The following PLCE1 variants were observed in gnomAD, a reference collection of about 807,000 sequenced individuals.
The protein encoded by PLCE1 is phospholipase C epsilon 1.
In PLCE1, 119 loss-of-function variants were observed where a neutral mutation model predicts 242.8. The observed-to-expected ratio is 0.49, with a 90% CI of 0.42 to 0.57. The LOEUF (loss-of-function observed/expected upper bound fraction) is 0.57, where lower values mean the gene tolerates loss of function less well. PLCE1 is among the 20% of genes least tolerant of loss of function. The pLI is 0.00. For missense variants in PLCE1, 2,441 were observed against 2,788.8 expected (o/e 0.88, Z 2.81); for synonymous variants, 945 against 1,017.4 (o/e 0.93, Z 1.35).
chr10:94,254,253 T>G lies in PLCE1; in HGVS notation c.3343T>G (p.Cys1115Gly). The change falls in exon 10 of 33, where the codon TGT becomes GGT. Residue 1115 changes from cysteine (C) to glycine (G), a missense_variant. Transcript: ENST00000371380. ...ATRKAKMHKECRSRSGSDPQD... is the reference protein window; with the variant it reads ...ATRKAKMHKEGRSRSGSDPQD... ...CCGAAAGGCCAAGATGCACAAAGAG[T>G]GTCGAAGCCGGAGTGGTTCTGATCC... is the stretch of plus-strand genomic sequence containing the variant. 1 of 1,613,828 alleles carries G rather than the reference T, an allele frequency of 6.2e-7. No homozygotes were observed. The highest frequency in any genetic ancestry group is 8.5e-7 in the Non-Finnish European group (1 of 1,179,944).
chr10:94,079,646 T>A (rs1021969773), intron 2 of PLCE1, among the ~76,000 whole-genome samples: 3 of 152,190 alleles, frequency 2.0e-5, no homozygotes, highest in African/African-American at 7.2e-5. Flanking sequence ...AAACATATTA[T>A]CTTCTATTCT....
intron 3 of PLCE1, among the ~76,000 whole-genome samples, chr10:94,162,604 C>A (rs986442486): frequency 6.6e-6 from 1 of 152,072 alleles, no homozygotes; most frequent in African/African-American, 2.4e-5. Flanking sequence ...TTCAAAAAAC[C>A]AGCTCCTGGA....
chr10:94,264,512 AT>A (rs59860171), intron 14 of PLCE1, among the ~76,000 whole-genome samples: 6,693 of 72,952 alleles, frequency 0.092, 76 homozygotes, highest in Middle Eastern at 0.13. Context: ...ACATGATTTG[AT>A]TTTTTTTTTT....
At chr10:94,242,164 A>G (rs940317557) in intron 7 of PLCE1, among the ~76,000 whole-genome samples, 1 of 152,190 alleles carries the variant, frequency 6.6e-6, no homozygotes, top group African/African-American at 2.4e-5. Flanking sequence ...ACCGAGAGCA[A>G]TTTCAGAGGG....
intron 3 of PLCE1, chr10:94,138,886 AG>A: frequency 5.9e-6 from 1 of 169,878 alleles, no homozygotes; most frequent in Middle Eastern, 2.2e-3. Context: ...CCACACACCT[AG>A]GGCCCAAATG....
chr10:94,165,896 G>A lies in PLCE1; in HGVS notation c.1493-5284G>A, dbSNP rs558012898. Among the ~76,000 whole-genome samples, 282 of 152,034 alleles carry A rather than the reference G, an allele frequency of 1.9e-3. 2 individuals carry two copies. Among genetic ancestry groups the A allele is most frequent in the Non-Finnish European group, 2.1e-3 (145 of 67,968 alleles). On this transcript the variant is annotated intron_variant, in intron 3 of 32. Transcript: ENST00000371380. ...TACTTTTTGTATTTTTAGTAGAGAC[G>A]GGATTTCACCACGTTGGCAAGGCTG...
At chr10:94,226,414 G>A (rs138722770) in intron 4 of PLCE1, among the ~76,000 whole-genome samples, 1 of 152,276 alleles carries the variant, frequency 6.6e-6, no homozygotes, top group East Asian at 1.9e-4. Flanking sequence ...CCTGAGGACA[G>A]TAACAGTCCC....
At chr10:94,071,291 C>T (rs1301291414) in intron 2 of PLCE1, among the ~76,000 whole-genome samples, 1 of 152,126 alleles carries the variant, frequency 6.6e-6, no homozygotes, top group African/African-American at 2.4e-5. Flanking sequence ...AAACCAGAGG[C>T]ATCACTGAAG....
At position 94,211,921 on chromosome 10, in the gene PLCE1, T is replaced by C. The variant is rs138127182; in HGVS notation, c.1810-15385T>C. On this transcript the variant is annotated intron_variant, in intron 4 of 32. Coordinates refer to ENST00000371380, the MANE Select transcript of PLCE1 (RefSeq NM_016341.4). ...CTAAAAGAGCTCAGAGAGACCCCTGTCAATATTGCAGCATTATTCTAAATG... is the reference window on the plus strand; with the variant it reads ...CTAAAAGAGCTCAGAGAGACCCCTGCCAATATTGCAGCATTATTCTAAATG... Among the ~76,000 whole-genome samples, 374 of 152,298 alleles carry C rather than the reference T, an allele frequency of 2.5e-3. 3 individuals carry two copies. Among genetic ancestry groups the C allele is most frequent in the African/African-American group, 7.4e-3 (307 of 41,566 alleles).
intron 2 of PLCE1, among the ~76,000 whole-genome samples, chr10:94,042,895 A>G (rs1373543359): frequency 6.6e-6 from 1 of 152,200 alleles, no homozygotes; most frequent in Non-Finnish European, 1.5e-5. Flanking sequence ...TCATGCTGAG[A>G]TACCCAAAAA....
intron 24 of PLCE1, among the ~76,000 whole-genome samples, chr10:94,302,640 G>C (rs1343208103): frequency 1.3e-5 from 2 of 152,160 alleles, no homozygotes; most frequent in African/African-American, 4.8e-5. Flanking sequence ...TGGGAACAAT[G>C]GGTGAGGCCA....
chr10:94,162,990 T>G (rs1165563592), intron 3 of PLCE1, among the ~76,000 whole-genome samples: 3 of 152,306 alleles, frequency 2.0e-5, no homozygotes, highest in Middle Eastern at 3.4e-3. Context: ...TAATCCTGAG[T>G]TCTAGTTTGA....
At chr10:94,226,240 ATCAC>A (rs2049932963) in intron 4 of PLCE1, among the ~76,000 whole-genome samples, 1 of 152,238 alleles carries the variant, frequency 6.6e-6, no homozygotes, top group Non-Finnish European at 1.5e-5. Context: ...GGAAAAACGA[ATCAC>A]ATTAGAATAA....
chr10:94,247,373 A>G (rs1202814667), intron 8 of PLCE1, among the ~76,000 whole-genome samples: 6 of 151,782 alleles, frequency 4.0e-5, no homozygotes, highest in Admixed American at 3.9e-4. Flanking sequence ...TCCCAGGATC[A>G]TTGTAGTTCT....
At chr10:94,078,440 A>G (rs908115147) in intron 2 of PLCE1, among the ~76,000 whole-genome samples, 1 of 152,164 alleles carries the variant, frequency 6.6e-6, no homozygotes, top group Admixed American at 6.5e-5. Flanking sequence ...TTTTCCGTAC[A>G]AATTAGCCCC....
intron 2 of PLCE1, among the ~76,000 whole-genome samples, chr10:94,114,987 A>G (rs1050862411): frequency 4.7e-5 from 7 of 148,212 alleles, no homozygotes; most frequent in Middle Eastern, 3.2e-3. Context: ...CTCATTGTTC[A>G]ATTCCCACCT....
chr10:94,043,540 A>C lies in PLCE1; in HGVS notation c.1206+11288A>C, dbSNP rs551078777. Among the ~76,000 whole-genome samples the C allele has an allele frequency of 2.0e-5, 3 of 152,282 alleles. No homozygotes were observed. The South Asian group carries it at 6.2e-4, about 32-fold the overall frequency. On this transcript the variant is annotated intron_variant, in intron 2 of 32. Transcript: ENST00000371380. ...AATAGTGAGTGTGATGTGCATTGGG[A>C]GCCAGCCTGTGGGAGTTTGGCAGTT...
intron 8 of PLCE1, 21 bp from the exon 9 acceptor site, chr10:94,252,295 C>T (rs1422807956): frequency 1.2e-6 from 2 of 1,610,938 alleles, no homozygotes; most frequent in Admixed American, 3.3e-5. Flanking sequence ...CTATTGTGTT[C>T]ACCATGTGGC....
chr10:94,081,125 A>T (rs1413402143), intron 2 of PLCE1, among the ~76,000 whole-genome samples: 1 of 152,122 alleles, frequency 6.6e-6, no homozygotes, highest in Admixed American at 6.6e-5. Context: ...TTTAATGTTT[A>T]TTGGCTACCT....
Sources: gnomAD v4.1 joint callset for allele counts (sites outside exome capture counted in the v4.1 genomes callset) on GRCh38, gnomAD v4.1.1 for gene constraint, MANE v1.5 for transcripts, NCBI Gene and HGNC (gene_info 2026-07-23, HGNC 2026-07-21) for gene names.